Variants in NUP62 observed in about 807,000 individuals in gnomAD.
NUP62 encodes the protein nucleoporin 62, also known as nuclear pore glycoprotein p62.
For synonymous variants in NUP62, 305 were observed against 303.4 expected, an observed-to-expected ratio of 1.01 and a Z score of -0.05; for missense variants, 647 against 689.4, an observed-to-expected ratio of 0.94 and a Z score of 0.69.
chr19:49,913,732 T>C (rs2075544276), intron 2 of NUP62, among the ~76,000 whole-genome samples: 1 of 152,184 alleles, frequency 6.6e-6, no homozygotes, highest in Non-Finnish European at 1.5e-5. Context: ...AGTAGAAAGC[T>C]TTGCTGAGCT....
At position 49,907,275 on chromosome 19, in the gene NUP62, T is replaced by G; in HGVS notation, c.*964A>C. On this transcript the variant is annotated 3_prime_UTR_variant, in exon 3 of 3. Coordinates refer to ENST00000352066, the MANE Select transcript of NUP62 (RefSeq NM_016553.5). ...GCAAGAAGGCCACCTGAGCTTCGGGTAGCTGGGAAGGCTTCCTGGAGGAGG... is the reference window on the plus strand; with the variant it reads ...GCAAGAAGGCCACCTGAGCTTCGGGGAGCTGGGAAGGCTTCCTGGAGGAGG... 1 of 294,952 alleles carries G rather than the reference T, an allele frequency of 3.4e-6. No individual in the cohort carries two copies. The highest frequency in any genetic ancestry group is 6.6e-6 in the Non-Finnish European group (1 of 152,150). 18.3% of individuals were successfully genotyped at this position (294,952 alleles called of 1,614,324 possible). A position where few individuals can be genotyped will look rare whatever the true frequency, so the allele number is the denominator to read the frequency against.
chr19:49,922,229 G>A (rs531524490), intron 2 of NUP62, among the ~76,000 whole-genome samples: 7 of 152,280 alleles, frequency 4.6e-5, no homozygotes, highest in East Asian at 1.9e-4. Flanking sequence ...TAGCCCAAAC[G>A]CCTCCTTATT....
intron 2 of NUP62, among the ~76,000 whole-genome samples, chr19:49,910,686 C>T (rs774883537): frequency 7.2e-5 from 10 of 137,990 alleles, no homozygotes; most frequent in South Asian, 2.3e-4. Context: ...TGGGACATCA[C>T]GGGAGACCAT....
rs142850742 is a variant in NUP62 at position 49,908,328 on chromosome 19, G to T, written c.1480C>A (p.Leu494Met). 1.8e-5 allele frequency: 29 copies of T among 1,614,004 alleles called. No homozygotes were observed. The African/African-American group carries it at 3.7e-4, about 21-fold the overall frequency. Residue 494 changes from leucine (L) to methionine (M), a missense_variant, in exon 3 of 3, where the codon CTG (leucine) becomes ATG (methionine). By Grantham distance (15) the Leu-to-Met change is conservative. Transcript: ENST00000352066. The stretch of plus-strand genomic sequence containing the variant: ...ACCTCCTCCACCTTCCTCTGCAGCA[G>T]GGCCGAGTTCTGGTCGATCCACTGC... ...SLQWIDQNSA[L>M]LQRKVEEVTK... is the part of the protein sequence containing the mutation.
At chr19:49,917,330 T>A (rs557489684) in intron 2 of NUP62, among the ~76,000 whole-genome samples, 1 of 152,358 alleles carries the variant, frequency 6.6e-6, no homozygotes, top group South Asian at 2.1e-4. Flanking sequence ...GGATTCTCCG[T>A]CTGCAAACTC....
chr19:49,922,929 A>C (rs2075798844), intron 2 of NUP62, among the ~76,000 whole-genome samples: 1 of 152,052 alleles, frequency 6.6e-6, no homozygotes. Flanking sequence ...CACTGCCCCA[A>C]GGTAGTTCTA....
In NUP62 at chr19:49,909,762, A is replaced by T; in HGVS notation, c.46T>A (p.Phe16Ile). The change falls in exon 3 of 3, where the codon TTC (phenylalanine) becomes ATC (isoleucine). Residue 16 changes from phenylalanine (F) to isoleucine (I), a missense_variant. Transcript: ENST00000352066. ...FGGTGAPTGGFTFGTAKTATT... is the reference protein window; with the variant it reads ...FGGTGAPTGGITFGTAKTATT... ...GCCGTCTTTGCAGTGCCAAACGTGA[A>T]CCCGCCTGTAGGGGCCCCAGTGCCT... 1 of 1,611,982 alleles carries T rather than the reference A, an allele frequency of 6.2e-7. No homozygotes were observed. The highest frequency in any genetic ancestry group is 8.5e-7 in the Non-Finnish European group (1 of 1,179,508).
At chr19:49,917,561 G>A (rs1325367911) in intron 2 of NUP62, 2 of 152,290 alleles carry the variant, frequency 1.3e-5, no homozygotes, top group African/African-American at 4.8e-5. Flanking sequence ...TTGGGAGCAT[G>A]AGACCATGAG....
chr19:49,912,146 T>C (rs1247985643), intron 2 of NUP62, among the ~76,000 whole-genome samples: 1 of 151,748 alleles, frequency 6.6e-6, no homozygotes, highest in Non-Finnish European at 1.5e-5. Context: ...TATGGGGACT[T>C]GTCTGGCTTA....
chr19:49,926,068 G>A (rs1050685694), intron 2 of NUP62, among the ~76,000 whole-genome samples: 1 of 151,876 alleles, frequency 6.6e-6, no homozygotes, highest in Non-Finnish European at 1.5e-5. Context: ...AATTAGCCAG[G>A]CATGATGGTG....
At chr19:49,922,794 C>T (rs373781176) in intron 2 of NUP62, among the ~76,000 whole-genome samples, 15 of 152,138 alleles carry the variant, frequency 9.9e-5, no homozygotes, top group Non-Finnish European at 1.3e-4. Flanking sequence ...GCTGCGGCCC[C>T]GGTGCCTTTC....
intron 1 of NUP62, chr19:49,928,477 A>AGC (rs1348963149): frequency 6.6e-6 from 1 of 150,808 alleles, no homozygotes; most frequent in East Asian, 2.0e-4. Context: ...AGATCGCGCC[A>AGC]CTGCACTCCA....
chr19:49,916,603 T>C (rs749322287), intron 2 of NUP62, among the ~76,000 whole-genome samples: 1 of 151,000 alleles, frequency 6.6e-6, no homozygotes, highest in African/African-American at 2.4e-5. Context: ...GCACTAAAAA[T>C]ACAAAAAAAA....
At chr19:49,917,883 T>G (rs1486103990) in intron 2 of NUP62, 1 of 152,078 alleles carries the variant, frequency 6.6e-6, no homozygotes, top group Non-Finnish European at 1.5e-5. Context: ...AATATAAAAA[T>G]TAGCCAGGTG....
chr19:49,908,024 G>A lies in NUP62; in HGVS notation c.*215C>T, dbSNP rs1022507279. On this transcript the variant is annotated 3_prime_UTR_variant, in exon 3 of 3. Coordinates refer to ENST00000352066, the MANE Select transcript of NUP62 (RefSeq NM_016553.5). ...CAAAGATACTCAAATGAAAGCCACA[G>A]AAGCCACACCCATGAGGCTGCTGCC... The A allele has an allele frequency of 9.9e-7, 1 of 1,010,944 alleles. No homozygotes were observed. The highest frequency in any genetic ancestry group is 1.6e-5 in the African/African-American group (1 of 61,632). 62.6% of individuals were successfully genotyped at this position (1,010,944 alleles called of 1,614,324 possible). A position where few individuals can be genotyped will look rare whatever the true frequency, so the allele number is the denominator to read the frequency against.
intron 2 of NUP62, among the ~76,000 whole-genome samples, chr19:49,911,552 A>T (rs936452241): frequency 1.3e-5 from 2 of 150,912 alleles, no homozygotes; most frequent in South Asian, 4.2e-4. Context: ...CACTACCCCC[A>T]CCCCTTCCAC....
chr19:49,908,874 C>G lies in NUP62; in HGVS notation c.934G>C (p.Ala312Pro). ...IPSNTAAAVT[A>P]PPGPGAAAGA... ...GCAGCTGCGCCAGGGCCAGGTGGAG[C>G]GGTCACGGCAGCTGCTGTATTGCTG... The change falls in exon 3 of 3, where the codon GCT becomes CCT. Residue 312 changes from alanine to proline, a missense_variant. Coordinates refer to ENST00000352066, the MANE Select transcript of NUP62 (RefSeq NM_016553.5). The G allele has an allele frequency of 6.2e-7, 1 of 1,610,662 alleles. No homozygotes were observed. The highest frequency in any genetic ancestry group is 8.5e-7 in the Non-Finnish European group (1 of 1,179,574).
rs761071949 is a variant in NUP62, at chr19:49,908,721, G to A, written c.1087C>T (p.Arg363Cys). 20 of 1,612,900 alleles carry A rather than the reference G, an allele frequency of 1.2e-5. No homozygotes were observed. Among genetic ancestry groups the A allele is most frequent in the Admixed American group, 3.3e-5 (2 of 60,004 alleles). ...TTTTCTCCATTCTCGATCAGCGTGC[G>A]GTCCCAGGCGTTGACCTGGGTGGCC... ...QQATQVNAWD[R>C]TLIENGEKIT... Residue 363 changes from arginine (R) to cysteine (C), a missense_variant, in exon 3 of 3, where the codon CGC becomes TGC. Physicochemically the swap from Arg to Cys is radical, Grantham distance 180. Coordinates refer to ENST00000352066, the MANE Select transcript of NUP62 (RefSeq NM_016553.5).
At chr19:49,916,697 G>A (rs545523843) in intron 2 of NUP62, among the ~76,000 whole-genome samples, 2 of 151,814 alleles carry the variant, frequency 1.3e-5, no homozygotes, top group South Asian at 2.1e-4. Context: ...CCGGGAGGCG[G>A]AGCTTGCAGT....
Sources: gnomAD v4.1 joint callset for allele counts (sites outside exome capture counted in the v4.1 genomes callset) on GRCh38, gnomAD v4.1.1 for gene constraint, MANE v1.5 for transcripts, NCBI Gene and HGNC (gene_info 2026-07-23, HGNC 2026-07-21) for gene names.